TMEM132C: variants seen among roughly 807,000 people sequenced by gnomAD.
TMEM132C encodes the protein transmembrane protein 132C.
TMEM132C carries 29 observed loss-of-function variants against 61.4 expected under a neutral mutation model. The observed-to-expected ratio is 0.47, with a 90% CI of 0.35 to 0.64. The LOEUF is 0.64. TMEM132C is among the 30% of genes least tolerant of loss of function. TMEM132C has a pLI of 0.00. For missense variants in TMEM132C, 1,408 were observed against 1,476.9 expected (o/e 0.95, Z 0.76); for synonymous variants, 656 against 633.1 (o/e 1.04, Z -0.54).
intron 3 of TMEM132C, among the ~76,000 whole-genome samples, chr12:128,552,675 G>A (rs148124135): frequency 0.013 from 1,952 of 152,258 alleles, 18 homozygotes; most frequent in South Asian, 0.026. Flanking sequence ...TTGGGAAGCC[G>A]AGGCTGGTGG....
At chr12:128,386,713 T>C (rs1874594967) in intron 1 of TMEM132C, among the ~76,000 whole-genome samples, 1 of 152,192 alleles carries the variant, frequency 6.6e-6, no homozygotes, top group Non-Finnish European at 1.5e-5. Context: ...CCCCCATCTT[T>C]TAGATGAGGA....
chr12:128,559,138 GACAC>G (rs1216177327), intron 3 of TMEM132C, among the ~76,000 whole-genome samples: 1 of 146,522 alleles, frequency 6.8e-6, no homozygotes, highest in Admixed American at 6.8e-5. Flanking sequence ...GACACACACA[GACAC>G]ACACACAAAC....
intron 1 of TMEM132C, among the ~76,000 whole-genome samples, chr12:128,301,113 G>GA (rs1871582207): frequency 6.6e-6 from 1 of 152,156 alleles, no homozygotes; most frequent in Non-Finnish European, 1.5e-5. Flanking sequence ...ACACTGATGA[G>GA]AAACAAACAA....
chr12:128,400,611 T>G (rs1352250484), intron 1 of TMEM132C, among the ~76,000 whole-genome samples: 9 of 147,516 alleles, frequency 6.1e-5, no homozygotes, highest in African/African-American at 1.9e-4. Context: ...TTTTTTTTTT[T>G]TTTGTTTGCA....
Position 128,416,742 on chromosome 12 carries a change from G to A in TMEM132C, c.974+1122G>A, listed in dbSNP as rs546889140. Among the ~76,000 whole-genome samples the A allele has an allele frequency of 6.6e-5, 10 of 152,216 alleles. 1 individual carries two copies. The highest frequency in any genetic ancestry group is 2.4e-4 in the African/African-American group (10 of 41,546). On this transcript the variant is annotated intron_variant, in intron 2 of 8. Coordinates refer to ENST00000435159, the MANE Select transcript of TMEM132C (RefSeq NM_001136103.3). ...CTTAATCCTACAGATTCAAATAATT[G>A]TCTTCTGAAGTATGCATCTTGTCAT... is the stretch of plus-strand genomic sequence containing the variant.
At chr12:128,305,790 C>T (rs910814373) in intron 1 of TMEM132C, among the ~76,000 whole-genome samples, 7 of 152,152 alleles carry the variant, frequency 4.6e-5, no homozygotes, top group African/African-American at 1.7e-4. Flanking sequence ...TTATCTGCGT[C>T]TGGATGTTTG....
In TMEM132C at chr12:128,706,369, T is replaced by C; in HGVS notation, c.*74T>C. ...ACTGGCCCAAGTGGGGCAGAAGGCG[T>C]TGTCAGTGGGGTTAAGAAGGGACGG... On this transcript the variant is annotated 3_prime_UTR_variant, in exon 9 of 9. Transcript: ENST00000435159. 6.9e-7 allele frequency: 1 copy of C among 1,440,862 alleles called. No homozygotes were observed. The highest frequency in any genetic ancestry group is 9.1e-7 in the Non-Finnish European group (1 of 1,100,182). The allele number at this position is 1,440,862 out of a possible 1,614,324, so 89.3% of individuals were successfully genotyped here. A position where few individuals can be genotyped will look rare whatever the true frequency, so the allele number is the denominator to read the frequency against.
At chr12:128,609,526 G>A (rs1291028515) in intron 3 of TMEM132C, among the ~76,000 whole-genome samples, 1 of 151,968 alleles carries the variant, frequency 6.6e-6, no homozygotes, top group Non-Finnish European at 1.5e-5. Flanking sequence ...ACAAAGTGCT[G>A]GGATTACAGG....
intron 4 of TMEM132C, among the ~76,000 whole-genome samples, chr12:128,668,587 GC>G (rs371874020): frequency 2.1e-4 from 32 of 152,290 alleles, no homozygotes; most frequent in African/African-American, 7.2e-4. Flanking sequence ...CCAGGATCTA[GC>G]CCGTAAGGAT....
chr12:128,336,764 G>A (rs1241477702), intron 1 of TMEM132C, among the ~76,000 whole-genome samples: 2 of 152,148 alleles, frequency 1.3e-5, no homozygotes, highest in Admixed American at 6.5e-5. Context: ...CCAAGACCCA[G>A]CTCACTGAGA....
At chr12:128,426,165 C>A (rs1869175229) in intron 2 of TMEM132C, among the ~76,000 whole-genome samples, 1 of 152,246 alleles carries the variant, frequency 6.6e-6, no homozygotes. Context: ...GGAGAATAAA[C>A]TCCTCTCCGC....
chr12:128,578,785 A>G (rs889317930), intron 3 of TMEM132C, among the ~76,000 whole-genome samples: 1 of 151,964 alleles, frequency 6.6e-6, no homozygotes, highest in Non-Finnish European at 1.5e-5. Context: ...TTTAGTAGAG[A>G]TGGGGTTTCG....
chr12:128,368,214 T>C (rs1473257338), intron 1 of TMEM132C, among the ~76,000 whole-genome samples: 1 of 152,236 alleles, frequency 6.6e-6, no homozygotes, highest in Non-Finnish European at 1.5e-5. Flanking sequence ...ACAGTCTGCA[T>C]AGCAGCTTGC....
intron 1 of TMEM132C, among the ~76,000 whole-genome samples, chr12:128,358,572 T>A (rs1873594971): frequency 6.7e-6 from 1 of 149,908 alleles, no homozygotes; most frequent in Admixed American, 6.7e-5. Flanking sequence ...GTACGTGGCG[T>A]GATAGTTTTA....
chr12:128,571,381 T>C (rs1349895543), intron 3 of TMEM132C, among the ~76,000 whole-genome samples: 1 of 152,248 alleles, frequency 6.6e-6, no homozygotes, highest in Admixed American at 6.5e-5. Context: ...TAATGAATAT[T>C]TTTATTGTGG....
At chr12:128,321,159 T>A (rs1021749751) in intron 1 of TMEM132C, among the ~76,000 whole-genome samples, 5 of 148,656 alleles carry the variant, frequency 3.4e-5, no homozygotes, top group Non-Finnish European at 5.9e-5. Flanking sequence ...ATAATAATAA[T>A]AATAATAATA....
At chr12:128,585,834 A>G (rs1259004157) in intron 3 of TMEM132C, among the ~76,000 whole-genome samples, 1 of 152,158 alleles carries the variant, frequency 6.6e-6, no homozygotes, top group Non-Finnish European at 1.5e-5. Context: ...AGATAATTAG[A>G]GTGGTCAAGT....
chr12:128,581,805 C>T (rs1875346802), intron 3 of TMEM132C, among the ~76,000 whole-genome samples: 1 of 152,074 alleles, frequency 6.6e-6, no homozygotes, highest in African/African-American at 2.4e-5. Context: ...ATTCAGATTC[C>T]CCGAAGAGAT....
intron 2 of TMEM132C, among the ~76,000 whole-genome samples, chr12:128,464,711 G>C (rs1431514069): frequency 6.6e-6 from 1 of 151,428 alleles, no homozygotes; most frequent in Non-Finnish European, 1.5e-5. Context: ...ACTTCAGTGA[G>C]TTATGATTAT....
Sources: gnomAD v4.1 joint callset for allele counts (sites outside exome capture counted in the v4.1 genomes callset) on GRCh38, gnomAD v4.1.1 for gene constraint, MANE v1.5 for transcripts, NCBI Gene and HGNC (gene_info 2026-07-23, HGNC 2026-07-21) for gene names.